LINGO2: variants seen among roughly 807,000 people sequenced by gnomAD.
LINGO2 encodes the protein leucine rich repeat and Ig domain containing 2.
In LINGO2, 14 loss-of-function variants were observed where a neutral mutation model predicts 30.6. That is an observed-to-expected ratio of 0.46 (90% CI 0.30 to 0.72). The LOEUF is 0.72. Among genes scored for constraint, LINGO2 ranks in the 30% least tolerant of loss-of-function variants. The pLI is 0.07. For missense variants in LINGO2, 729 were observed against 751.7 expected (o/e 0.97, Z 0.35); for synonymous variants, 317 against 288.5 (o/e 1.10, Z -1.00).
At chr9:28,485,231 A>C (rs1370396041) in intron 1 of LINGO2, among the ~76,000 whole-genome samples, 1 of 152,162 alleles carries the variant, frequency 6.6e-6, no homozygotes, top group Non-Finnish European at 1.5e-5. Flanking sequence ...GTGCTTCAGC[A>C]GTTCCTCCAG....
At chr9:28,708,187 AG>A in the LINGO2 span, among the ~76,000 whole-genome samples, 1 of 152,182 alleles carries the variant, frequency 6.6e-6, no homozygotes, top group African/African-American at 2.4e-5. Flanking sequence ...GCATATAATT[AG>A]AAGGCATGTT....
chr9:29,111,603 C>T, the LINGO2 span, among the ~76,000 whole-genome samples: 1 of 151,856 alleles, frequency 6.6e-6, no homozygotes, highest in Non-Finnish European at 1.5e-5. Flanking sequence ...TTAATTTCCT[C>T]TTCCACAAAA....
chr9:28,872,638 C>G, the LINGO2 span, among the ~76,000 whole-genome samples: 1 of 152,046 alleles, frequency 6.6e-6, no homozygotes. Flanking sequence ...AGTAAACAAA[C>G]AACACATTTT....
the LINGO2 span, among the ~76,000 whole-genome samples, chr9:28,972,697 AATG>A: frequency 6.6e-6 from 1 of 152,188 alleles, no homozygotes; most frequent in South Asian, 2.1e-4. Context: ...AAAGAGGTTT[AATG>A]ACCCACAGTT....
intron 3 of LINGO2, among the ~76,000 whole-genome samples, chr9:28,322,618 G>T (rs1201375475): frequency 1.3e-5 from 2 of 152,148 alleles, no homozygotes; most frequent in Non-Finnish European, 2.9e-5. Context: ...TTCAAAGTCA[G>T]ATCTGTTTGG....
chr9:28,040,187 G>C (rs148103301), intron 4 of LINGO2, among the ~76,000 whole-genome samples: 2,322 of 152,222 alleles, frequency 0.015, 55 homozygotes, highest in African/African-American at 0.047. Flanking sequence ...TAGCAAAACA[G>C]ATTGATTCAT....
chr9:28,582,996 G>T (rs532667920), intron 1 of LINGO2, among the ~76,000 whole-genome samples: 1 of 151,824 alleles, frequency 6.6e-6, no homozygotes. Context: ...GTATAATTCT[G>T]TGATAAATTT....
At chr9:29,068,371 A>G in the LINGO2 span, among the ~76,000 whole-genome samples, 1 of 151,784 alleles carries the variant, frequency 6.6e-6, no homozygotes, top group African/African-American at 2.4e-5. Flanking sequence ...TTTGCAGGTA[A>G]TCATTTTTTT....
chr9:28,964,166 C>A, the LINGO2 span, among the ~76,000 whole-genome samples: 1 of 151,774 alleles, frequency 6.6e-6, no homozygotes, highest in African/African-American at 2.4e-5. Flanking sequence ...TTATATTTAT[C>A]ACAGTCAAGG....
chr9:28,768,739 C>A, the LINGO2 span, among the ~76,000 whole-genome samples: 28 of 151,906 alleles, frequency 1.8e-4, no homozygotes, highest in African/African-American at 6.5e-4. Flanking sequence ...TGAGTTTATA[C>A]TGAATATAGT....
At chr9:28,838,330 G>A in the LINGO2 span, among the ~76,000 whole-genome samples, 1 of 152,086 alleles carries the variant, frequency 6.6e-6, no homozygotes, top group Non-Finnish European at 1.5e-5. Flanking sequence ...AAGTAAATAA[G>A]TATAGTTGTT....
the LINGO2 span, among the ~76,000 whole-genome samples, chr9:29,002,297 T>A: frequency 1.3e-5 from 2 of 152,034 alleles, no homozygotes; most frequent in African/African-American, 4.8e-5. Context: ...GATTATTTAA[T>A]CATGTTTTGA....
At chr9:28,922,006 C>T in the LINGO2 span, among the ~76,000 whole-genome samples, 1 of 152,136 alleles carries the variant, frequency 6.6e-6, no homozygotes, top group Non-Finnish European at 1.5e-5. Context: ...TGTCACTGCC[C>T]CATGCCCTCC....
chr9:28,779,860 C>T, the LINGO2 span, among the ~76,000 whole-genome samples: 1 of 152,060 alleles, frequency 6.6e-6, no homozygotes. Flanking sequence ...AGAACCATTG[C>T]TCTATTATTT....
At chr9:28,702,618 TG>T in the LINGO2 span, among the ~76,000 whole-genome samples, 8 of 151,912 alleles carry the variant, frequency 5.3e-5, no homozygotes, top group African/African-American at 1.9e-4. Context: ...GGTCTTTGCC[TG>T]GTTTTGGTAT....
At chr9:28,320,917 T>C (rs1270942294) in intron 3 of LINGO2, among the ~76,000 whole-genome samples, 2 of 152,192 alleles carry the variant, frequency 1.3e-5, no homozygotes, top group Non-Finnish European at 2.9e-5. Context: ...CAGATTCTTA[T>C]AGCACAGAAG....
At chr9:28,272,350 C>A (rs1300462502) in intron 4 of LINGO2, among the ~76,000 whole-genome samples, 1 of 151,902 alleles carries the variant, frequency 6.6e-6, no homozygotes, top group Non-Finnish European at 1.5e-5. Context: ...GAACCTTTGT[C>A]TCACATGTCT....
intron 2 of LINGO2, among the ~76,000 whole-genome samples, chr9:28,449,035 GT>G (rs2135060070): frequency 1.0e-5 from 1 of 95,854 alleles, no homozygotes; most frequent in Admixed American, 9.5e-5. Context: ...TCACATTCGT[GT>G]GTGTGTGTGT....
the LINGO2 span, among the ~76,000 whole-genome samples, chr9:28,702,700 C>T: frequency 6.6e-6 from 1 of 151,976 alleles, no homozygotes; most frequent in East Asian, 1.9e-4. Flanking sequence ...GAAGAGATGA[C>T]AGAATGTTTG....
Sources: allele counts gnomAD v4.1 joint callset (sites outside exome capture counted in the v4.1 genomes callset), GRCh38; gene constraint gnomAD v4.1.1; transcripts MANE v1.5; gene names NCBI Gene and HGNC (gene_info 2026-07-23, HGNC 2026-07-21).